Variants in HSD17B2 observed in about 807,000 individuals in gnomAD.
The protein encoded by HSD17B2 is hydroxysteroid 17-beta dehydrogenase 2.
A neutral mutation model predicts 26.9 loss-of-function variants in HSD17B2; 32 were observed. The ratio of observed to expected loss-of-function variants is 1.19; its 90% confidence interval spans 0.90 to 1.60. The LOEUF (loss-of-function observed/expected upper bound fraction) is 1.60. HSD17B2 is among the 40% of genes most tolerant of loss of function. The pLI, the probability that HSD17B2 is intolerant of heterozygous loss-of-function variation, is 0.00. For synonymous variants in HSD17B2, 246 were observed against 186.7 expected, an observed-to-expected ratio of 1.32 and a Z score of -2.59; for missense variants, 613 against 468.6, an observed-to-expected ratio of 1.31 and a Z score of -2.85.
At chr16:82,057,671 T>A (rs1010687198) in intron 1 of HSD17B2, among the ~76,000 whole-genome samples, 1 of 152,252 alleles carries the variant, frequency 6.6e-6, no homozygotes, top group South Asian at 2.1e-4. Flanking sequence ...GGGTGCTATG[T>A]ACCCTTAATG....
intron 1 of HSD17B2, among the ~76,000 whole-genome samples, chr16:82,059,614 G>C (rs1218117829): frequency 2.6e-5 from 4 of 152,090 alleles, no homozygotes; most frequent in African/African-American, 9.7e-5. Context: ...TGTCTTCTGT[G>C]GGTGGGTGTT....
chr16:82,060,331 GGGTA>G (rs1914396876), intron 1 of HSD17B2, among the ~76,000 whole-genome samples: 2 of 152,186 alleles, frequency 1.3e-5, no homozygotes, highest in African/African-American at 4.8e-5. Flanking sequence ...TATGGGGTCA[GGGTA>G]GGCTGCATTA....
chr16:82,093,702 G>A (rs752627784), intron 4 of HSD17B2: 1 of 152,106 alleles, frequency 6.6e-6, no homozygotes, highest in Non-Finnish European at 1.5e-5. Flanking sequence ...GGGTGAATCT[G>A]TAGAGTAAAG....
chr16:82,086,308 A>T (rs1363083071), intron 3 of HSD17B2, among the ~76,000 whole-genome samples: 1 of 152,238 alleles, frequency 6.6e-6, no homozygotes, highest in African/African-American at 2.4e-5. Flanking sequence ...ACAAAGAGTG[A>T]AGTACTGATA....
chr16:82,069,399 G>A (rs8191151), intron 2 of HSD17B2, among the ~76,000 whole-genome samples: 1 of 152,180 alleles, frequency 6.6e-6, no homozygotes, highest in African/African-American at 2.4e-5. Flanking sequence ...CTTTGTAATA[G>A]AATGGTTTAT....
chr16:82,069,120 T>A (rs8191144), intron 2 of HSD17B2, among the ~76,000 whole-genome samples: 11,777 of 152,192 alleles, frequency 0.077, 1,547 homozygotes, highest in African/African-American at 0.27. Context: ...TGCGTCCATG[T>A]GTTCTCACTG....
chr16:82,092,485 T>C (rs1453357685), intron 4 of HSD17B2: 1 of 152,186 alleles, frequency 6.6e-6, no homozygotes, highest in East Asian at 1.9e-4. Context: ...CCCTAAAGGT[T>C]TGAATGTTAT....
intron 4 of HSD17B2, chr16:82,093,979 T>C (rs1474479950): frequency 6.6e-6 from 1 of 152,208 alleles, no homozygotes; most frequent in Non-Finnish European, 1.5e-5. Context: ...AAGTGTCTTT[T>C]AGCATGCTAA....
chr16:82,059,381 G>A (rs988899443), intron 1 of HSD17B2, among the ~76,000 whole-genome samples: 1 of 152,200 alleles, frequency 6.6e-6, no homozygotes, highest in Non-Finnish European at 1.5e-5. Flanking sequence ...AATTGTCTGT[G>A]GTTGAGAATC....
intron 1 of HSD17B2, among the ~76,000 whole-genome samples, chr16:82,038,587 G>A (rs1913683497): frequency 6.6e-6 from 1 of 152,182 alleles, no homozygotes; most frequent in African/African-American, 2.4e-5. Context: ...TGAACAAAGA[G>A]CAGACCAACA....
intron 1 of HSD17B2, among the ~76,000 whole-genome samples, chr16:82,037,076 T>C (rs1913644209): frequency 6.6e-6 from 1 of 152,156 alleles, no homozygotes; most frequent in Non-Finnish European, 1.5e-5. Context: ...CCCAACTCAG[T>C]GAGCCCACAT....
rs767788961 is a variant in HSD17B2 at position 82,071,033 on chromosome 16, C to A, written c.570C>A (p.Ala190=). ...TGACTGACTACAAACAATGCATGGC[C>A]GTGAACTTCTTTGGAACTGTGGAGG... ...LLMTDYKQCM[A]VNFFGTVEVT... is the part of the protein sequence containing the mutation. The change falls in exon 3 of 5, where the codon GCC becomes GCA. Residue 190 remains alanine, a synonymous_variant. Transcript: ENST00000199936. 1 of 1,614,012 alleles carries A rather than the reference C, an allele frequency of 6.2e-7. No individual in the cohort carries two copies. The highest frequency in any genetic ancestry group is 1.3e-5 in the African/African-American group (1 of 74,910).
At chr16:82,040,177 C>T (rs188394334) in intron 1 of HSD17B2, among the ~76,000 whole-genome samples, 285 of 152,280 alleles carry the variant, frequency 1.9e-3, no homozygotes, top group Middle Eastern at 3.4e-3. Flanking sequence ...ATTTTATGCT[C>T]ACAAGAAAGT....
rs138727940 is a variant in HSD17B2, at chr16:82,068,554, G to C, written c.478+172G>C. ...GGCCTCTATCAACATGAAGACCTTC[G>C]GAGTAACTCAGACATGGGCCCATCC... On this transcript the variant is annotated intron_variant, in intron 2 of 4. Transcript: ENST00000199936. Among the ~76,000 whole-genome samples the C allele has an allele frequency of 3.3e-3, 501 of 152,118 alleles. 1 individual carries two copies. The highest frequency in any genetic ancestry group is 0.01 in the Middle Eastern group (3 of 294).
intron 1 of HSD17B2, among the ~76,000 whole-genome samples, chr16:82,065,172 G>A (rs778763761): frequency 6.6e-6 from 1 of 152,186 alleles, no homozygotes; most frequent in African/African-American, 2.4e-5. Context: ...AGGAAGGATT[G>A]GAAAGTGCAA....
intron 1 of HSD17B2, among the ~76,000 whole-genome samples, chr16:82,066,316 T>A (rs999579813): frequency 3.9e-5 from 6 of 152,130 alleles, no homozygotes; most frequent in African/African-American, 1.4e-4. Flanking sequence ...TTAAATGCAA[T>A]CAGTGATGGC....
intron 1 of HSD17B2, among the ~76,000 whole-genome samples, chr16:82,049,328 T>A (rs8191089): frequency 0.1 from 15,327 of 152,120 alleles, 2,549 homozygotes; most frequent in African/African-American, 0.35. Flanking sequence ...CCACAAAAAA[T>A]TTACCTGACC....
chr16:82,094,747 T>C (rs977211986), intron 4 of HSD17B2: 1 of 152,196 alleles, frequency 6.6e-6, no homozygotes, highest in South Asian at 2.1e-4. Context: ...TCCAGATTTT[T>C]CTGGTGCCCT....
At chr16:82,096,083 AAT>A (rs1904830180) in intron 4 of HSD17B2, 1 of 152,196 alleles carries the variant, frequency 6.6e-6, no homozygotes, top group Admixed American at 6.5e-5. Flanking sequence ...TTATTTTAAA[AAT>A]ATATTTATAC....
Sources: allele counts gnomAD v4.1 joint callset (sites outside exome capture counted in the v4.1 genomes callset), GRCh38; gene constraint gnomAD v4.1.1; transcripts MANE v1.5; gene names NCBI Gene and HGNC (gene_info 2026-07-23, HGNC 2026-07-21).